The following VEZF1 variants were observed in gnomAD, a reference collection of about 807,000 sequenced individuals.
VEZF1 encodes putative transcription factor DB1.
Under a neutral mutation model 44.1 loss-of-function variants are expected in VEZF1, and 5 were observed. The ratio of observed to expected loss-of-function variants is 0.11; its 90% CI spans 0.06 to 0.24. The LOEUF (loss-of-function observed/expected upper bound fraction) is 0.24, where lower values mean the gene tolerates loss of function less well. Among genes scored for constraint, VEZF1 ranks in the 10% least tolerant of loss-of-function variants. The pLI is 1.00. For synonymous variants in VEZF1, 236 were observed against 233.1 expected (o/e 1.01, Z -0.11); for missense variants, 358 against 641.8 (o/e 0.56, Z 4.78).
intron 1 of VEZF1, among the ~76,000 whole-genome samples, chr17:57,986,413 A>T (rs1307484074): frequency 6.6e-6 from 1 of 152,138 alleles, no homozygotes; most frequent in Non-Finnish European, 1.5e-5. Context: ...TAACCATTTG[A>T]GCTTTTTTCT....
intron 1 of VEZF1, chr17:57,985,611 C>T (rs2075287295): frequency 4.0e-6 from 1 of 247,784 alleles, no homozygotes; most frequent in African/African-American, 2.3e-5. Flanking sequence ...CTTTCAACTG[C>T]AAGGCTTTTT....
Position 57,985,504 on chromosome 17 carries a change from C to G in VEZF1, c.34-2111G>C. 3 of 928,392 alleles carry G rather than the reference C, an allele frequency of 3.2e-6. No individual in the cohort carries two copies. The South Asian group carries it at 1.5e-4, about 46-fold the overall frequency. 57.5% of individuals were successfully genotyped at this position (928,392 alleles called of 1,614,324 possible). On this transcript the variant is annotated intron_variant, in intron 1 of 5. Transcript: ENST00000581208. ...AGAGTAAAATAACAACCACGGCCAG[C>G]CTTCAGTTAAGTGATTTATTTTAAA...
rs572353625 is a variant in VEZF1, at chr17:57,971,760, T to G, written c.*2713A>C. On this transcript the variant is annotated 3_prime_UTR_variant, in exon 6 of 6. Transcript: ENST00000581208. ...AGAGCGTAACAGGCTGGATGTCAGA[T>G]TTAAGGATTATCTAATACAACTGTT... The G allele has an allele frequency of 2.6e-5, 4 of 152,622 alleles. No homozygotes were observed. The highest frequency in any genetic ancestry group is 1.3e-4 in the Admixed American group (2 of 15,282). 9.5% of individuals were successfully genotyped at this position (152,622 alleles called of 1,614,324 possible).
rs1233438516 is a variant in VEZF1 at position 57,971,655 on chromosome 17, G to C, written c.*2818C>G. On this transcript the variant is annotated 3_prime_UTR_variant, in exon 6 of 6. Transcript: ENST00000581208. ...GGTAAAATCATCATCTGCTTACATA[G>C]AAACCTTCATTCAGGAGCACACCGT... 6.6e-6 allele frequency: 1 copy of C among 152,506 alleles called. No individual in the cohort carries two copies. The highest frequency in any genetic ancestry group is 1.5e-5 in the Non-Finnish European group (1 of 68,024). 9.4% of individuals were successfully genotyped at this position (152,506 alleles called of 1,614,324 possible).
Position 57,974,617 on chromosome 17 carries a change from C to T in VEZF1, c.1422G>A (p.Val474=). The T allele has an allele frequency of 1.2e-6, 2 of 1,614,008 alleles. No homozygotes were observed. Among genetic ancestry groups the T allele is most frequent in the East Asian group, 4.5e-5 (2 of 44,882 alleles). ...VNLPTPVTAP[V]NIAHPVTITS... is the part of the protein sequence containing the mutation. ...TGATGGTGACAGGGTGTGCTATATT[C>T]ACTGGGGCAGTGACGGGGGTGGGGA... Residue 474 remains valine (V), a synonymous_variant, in exon 6 of 6, where the codon GTG becomes GTA. Transcript: ENST00000581208.
rs2075152783 is a variant in VEZF1 at position 57,973,061 on chromosome 17, A to G, written c.*1412T>C. 1 of 152,118 alleles carries G rather than the reference A, an allele frequency of 6.6e-6. No individual in the cohort carries two copies. Among genetic ancestry groups the G allele is most frequent in the Non-Finnish European group, 1.5e-5 (1 of 68,038 alleles). 9.4% of individuals were successfully genotyped at this position (152,118 alleles called of 1,614,324 possible). A position where few individuals can be genotyped will look rare whatever the true frequency, so the allele number is the denominator to read the frequency against. On this transcript the variant is annotated 3_prime_UTR_variant, in exon 6 of 6. Coordinates refer to ENST00000581208, the MANE Select transcript of VEZF1 (RefSeq NM_007146.3). Reference sequence around the variant, plus strand: ...CCAAAAACATATTGCAACTTAAAAAATCACAGCATCTTGGTTTAGTTAATT... The same window carrying G: ...CCAAAAACATATTGCAACTTAAAAAGTCACAGCATCTTGGTTTAGTTAATT...
Position 57,982,547 on chromosome 17 carries a change from G to C in VEZF1, c.728+152C>G, listed in dbSNP as rs555470200. ...TCACACCAAACTGAGGTTAGACCTG[G>C]AGGTGTTAATACTTATCTATCACCA... is the stretch of plus-strand genomic sequence containing the variant. On this transcript the variant is annotated intron_variant, in intron 2 of 5. Transcript: ENST00000581208. 15 of 697,878 alleles carry C rather than the reference G, an allele frequency of 2.1e-5. 1 individual carries two copies. The South Asian group carries it at 2.6e-4, about 12-fold the overall frequency. 43.2% of individuals were successfully genotyped at this position (697,878 alleles called of 1,614,324 possible). A position where few individuals can be genotyped will look rare whatever the true frequency, so the allele number is the denominator to read the frequency against.
chr17:57,982,023 G>A, intron 2 of VEZF1, 87 bp from the exon 3 acceptor site: 2 of 1,419,524 alleles, frequency 1.4e-6, no homozygotes, highest in Non-Finnish European at 2.0e-6. Context: ...TGGCAGATTG[G>A]GAAGGGGTGC....
intron 1 of VEZF1, among the ~76,000 whole-genome samples, chr17:57,983,878 C>T (rs2075273040): frequency 6.6e-6 from 1 of 152,176 alleles, no homozygotes; most frequent in Non-Finnish European, 1.5e-5. Context: ...TATCAGAAAA[C>T]TCAGATTGAG....
Position 57,974,590 on chromosome 17 carries a change from T to C in VEZF1, c.1449A>G (p.Thr483=). ...TAGGTGTGGGTAGATTCATTGGAGA[T>C]GTGATGGTGACAGGGTGTGCTATAT... is the stretch of plus-strand genomic sequence containing the variant. ...PVNIAHPVTI[T]SPMNLPTPMT... is the part of the protein sequence containing the mutation. Residue 483 remains threonine, a synonymous_variant, in exon 6 of 6, where the codon ACA becomes ACG. Transcript: ENST00000581208. 6.2e-7 allele frequency: 1 copy of C among 1,614,050 alleles called. No homozygotes were observed. The highest frequency in any genetic ancestry group is 8.5e-7 in the Non-Finnish European group (1 of 1,180,016).
chr17:57,977,162 G>A (rs1285296113), intron 5 of VEZF1, among the ~76,000 whole-genome samples: 2 of 152,032 alleles, frequency 1.3e-5, no homozygotes, highest in African/African-American at 4.8e-5. Flanking sequence ...TGTTGTCCAG[G>A]CTGGAGTGCA....
chr17:57,979,970 CAA>C (rs11359148), intron 4 of VEZF1, among the ~76,000 whole-genome samples: 255 of 68,414 alleles, frequency 3.7e-3, no homozygotes, highest in African/African-American at 0.011. Context: ...GACTCCGTCT[CAA>C]AAAAAAAAAA....
At position 57,974,332 on chromosome 17, in the gene VEZF1, G is replaced by A. The variant is rs2075166941; in HGVS notation, c.*141C>T. The A allele has an allele frequency of 3.0e-6, 3 of 999,560 alleles. No homozygotes were observed. Among genetic ancestry groups the A allele is most frequent in the African/African-American group, 3.3e-5 (2 of 60,814 alleles). The allele number at this position is 999,560 out of a possible 1,614,324, so 61.9% of individuals were successfully genotyped here. A position where few individuals can be genotyped will look rare whatever the true frequency, so the allele number is the denominator to read the frequency against. ...TACTTTGAATAATCCCAGCCAAATT[G>A]GAGAAAAATGCTACCACACTCTTAT... On this transcript the variant is annotated 3_prime_UTR_variant, in exon 6 of 6. Coordinates refer to ENST00000581208, the MANE Select transcript of VEZF1 (RefSeq NM_007146.3).
intron 5 of VEZF1, among the ~76,000 whole-genome samples, chr17:57,976,651 A>G (rs1160887761): frequency 6.6e-6 from 1 of 152,192 alleles, no homozygotes; most frequent in Non-Finnish European, 1.5e-5. Context: ...ACATTTACTA[A>G]CATGAATACA....
intron 5 of VEZF1, among the ~76,000 whole-genome samples, chr17:57,976,358 A>G (rs898182243): frequency 2.0e-5 from 3 of 152,204 alleles, no homozygotes; most frequent in African/African-American, 7.2e-5. Flanking sequence ...AGGGATTCCC[A>G]AATCTGGCTG....
chr17:57,988,212 G>A lies in VEZF1; in HGVS notation c.-101C>T, dbSNP rs1213557510. The stretch of plus-strand genomic sequence containing the variant: ...AAGCGGCGGCGGCGGCGGCGGCAAC[G>A]GCAGCGGCGGCTCCTCAACATGGCA... On this transcript the variant is annotated 5_prime_UTR_variant, in exon 1 of 6. Coordinates refer to ENST00000581208, the MANE Select transcript of VEZF1 (RefSeq NM_007146.3). 10 of 233,568 alleles carry A rather than the reference G, an allele frequency of 4.3e-5. No homozygotes were observed. The highest frequency in any genetic ancestry group is 1.4e-4 in the South Asian group (1 of 7,192). 14.5% of individuals were successfully genotyped at this position (233,568 alleles called of 1,614,324 possible).
chr17:57,980,950 G>C (rs1209036178), intron 3 of VEZF1, 164 bp from the exon 4 acceptor site: 1 of 711,718 alleles, frequency 1.4e-6, no homozygotes, highest in Non-Finnish European at 2.3e-6. Context: ...TAAAACTCTT[G>C]ATAAATTTTA....
At chr17:57,982,650 TAC>T in intron 2 of VEZF1, 47 bp downstream of exon 2, 1 of 1,531,704 alleles carries the variant, frequency 6.5e-7, no homozygotes, top group Non-Finnish European at 8.8e-7. Context: ...AAAACTGAAG[TAC>T]ACTGATACCA....
intron 3 of VEZF1, among the ~76,000 whole-genome samples, chr17:57,981,023 T>A (rs2075245317): frequency 6.6e-6 from 1 of 152,196 alleles, no homozygotes; most frequent in Admixed American, 6.5e-5. Flanking sequence ...ATGTAAGCTT[T>A]AGGGTAAGTT....
Sources: allele counts gnomAD v4.1 joint callset (sites outside exome capture counted in the v4.1 genomes callset), GRCh38; gene constraint gnomAD v4.1.1; transcripts MANE v1.5; gene names NCBI Gene and HGNC (gene_info 2026-07-23, HGNC 2026-07-21).